NTRK3: variants seen among roughly 807,000 people sequenced by gnomAD.
The protein encoded by NTRK3 is NT-3 growth factor receptor.
A neutral mutation model predicts 91.7 loss-of-function variants in NTRK3; 24 were observed. The observed-to-expected ratio is 0.26, with a 90% CI of 0.19 to 0.37. The LOEUF (loss-of-function observed/expected upper bound fraction) is 0.37. NTRK3 is among the 10% of genes least tolerant of loss of function. NTRK3 has a pLI of 1.00. For synonymous variants in NTRK3, 483 were observed against 404.0 expected (o/e 1.20, Z -2.34); for missense variants, 880 against 1,068.9 (o/e 0.82, Z 2.46).
At chr15:88,069,626 T>C (rs2046940732) in intron 13 of NTRK3, among the ~76,000 whole-genome samples, 1 of 152,160 alleles carries the variant, frequency 6.6e-6, no homozygotes. Flanking sequence ...GATCCAGAGA[T>C]GCCCAGGCCT....
intron 13 of NTRK3, among the ~76,000 whole-genome samples, chr15:88,034,232 ACCAGCAGCTGGG>A (rs1318668505): frequency 6.6e-6 from 1 of 152,216 alleles, no homozygotes; most frequent in Non-Finnish European, 1.5e-5. Context: ...TGATCTCCAT[ACCAGCAGCTGGG>A]CCAGCTGCCC....
intron 17 of NTRK3, among the ~76,000 whole-genome samples, chr15:87,903,711 C>CA (rs2066588341): frequency 6.6e-6 from 1 of 152,182 alleles, no homozygotes; most frequent in Non-Finnish European, 1.5e-5. Flanking sequence ...CCTGTACATT[C>CA]ACAGGCATCT....
At chr15:87,917,095 C>G (rs1333472411) in intron 17 of NTRK3, among the ~76,000 whole-genome samples, 1 of 152,226 alleles carries the variant, frequency 6.6e-6, no homozygotes, top group Non-Finnish European at 1.5e-5. Context: ...TGAGGTTCTT[C>G]TTAGTTTTTC....
rs1201051798 is a variant in NTRK3, at chr15:88,233,353, T to A, written c.248+22553A>T. Among the ~76,000 whole-genome samples the A allele has an allele frequency of 6.6e-6, 1 of 151,430 alleles. No homozygotes were observed. The highest frequency in any genetic ancestry group is 1.5e-5 in the Non-Finnish European group (1 of 67,848). On this transcript the variant is annotated intron_variant, in intron 3 of 18. Transcript: ENST00000394480. The surrounding 1 kb of genome is among the most constrained non-coding windows in gnomAD (Gnocchi z 4.2). Reference sequence around the variant, plus strand: ...TTCCACCTGCAGTGGTGGCTGGGGGTCTTATTATCTGTCCATATCCTTCCC... The same window carrying A: ...TTCCACCTGCAGTGGTGGCTGGGGGACTTATTATCTGTCCATATCCTTCCC...
At chr15:88,244,332 A>G (rs2052635037) in intron 3 of NTRK3, among the ~76,000 whole-genome samples, 1 of 152,220 alleles carries the variant, frequency 6.6e-6, no homozygotes. Context: ...AACTCTCCCA[A>G]TAACATCTTA....
intron 14 of NTRK3, among the ~76,000 whole-genome samples, chr15:87,991,558 T>C (rs1313204025): frequency 6.6e-6 from 1 of 152,188 alleles, no homozygotes; most frequent in Non-Finnish European, 1.5e-5. Context: ...TTCCCATTAT[T>C]GTGCATCATA....
At chr15:88,230,486 T>G (rs918321883) in intron 3 of NTRK3, among the ~76,000 whole-genome samples, 2 of 152,300 alleles carry the variant, frequency 1.3e-5, no homozygotes, top group Admixed American at 6.5e-5. Context: ...AGTCATTGCC[T>G]TCTCTGTAAA....
chr15:87,908,371 A>AGAGGTT (rs2066895363), intron 17 of NTRK3: 1 of 397,254 alleles, frequency 2.5e-6, no homozygotes, highest in Non-Finnish European at 4.4e-6. Flanking sequence ...GCAAGGAAAA[A>AGAGGTT]GAGGTTGGAA....
intron 6 of NTRK3, among the ~76,000 whole-genome samples, chr15:88,140,317 C>T (rs1285345263): frequency 6.6e-6 from 1 of 152,172 alleles, no homozygotes; most frequent in Non-Finnish European, 1.5e-5. Flanking sequence ...TTGAGCATTT[C>T]TCAAAGTACT....
intron 5 of NTRK3, among the ~76,000 whole-genome samples, chr15:88,157,445 C>T (rs1001495939): frequency 2.0e-5 from 3 of 152,134 alleles, no homozygotes; most frequent in Non-Finnish European, 2.9e-5. Context: ...TCTGTGCTGC[C>T]TCGGCAGGGC....
chr15:87,880,600 C>T (rs563323834), intron 17 of NTRK3, among the ~76,000 whole-genome samples, 172 bp from the exon 19 acceptor site: 16 of 152,234 alleles, frequency 1.1e-4, no homozygotes, highest in South Asian at 4.1e-4. Flanking sequence ...TGGAGACCTA[C>T]GATAAAGGAG....
At chr15:88,072,312 C>T (rs2047161383) in intron 13 of NTRK3, 1 of 188,524 alleles carries the variant, frequency 5.3e-6, no homozygotes, top group South Asian at 1.9e-4. Context: ...CCCCAAACAT[C>T]CTTTTCATAC....
intron 14 of NTRK3, among the ~76,000 whole-genome samples, chr15:88,025,221 G>C (rs933385201): frequency 7.2e-5 from 11 of 152,220 alleles, no homozygotes; most frequent in Admixed American, 5.2e-4. Flanking sequence ...TTCTTATGAA[G>C]CTAAACATAT....
At chr15:87,904,005 G>A (rs2066603432) in intron 17 of NTRK3, among the ~76,000 whole-genome samples, 1 of 152,106 alleles carries the variant, frequency 6.6e-6, no homozygotes, top group South Asian at 2.1e-4. Flanking sequence ...CTCTCCTTGT[G>A]TACCCTGGAC....
At chr15:88,059,165 C>T (rs2045984778) in intron 13 of NTRK3, among the ~76,000 whole-genome samples, 1 of 152,104 alleles carries the variant, frequency 6.6e-6, no homozygotes, top group Admixed American at 6.5e-5. Flanking sequence ...AGGAAAGGGG[C>T]TTGTGCCACT....
chr15:88,188,404 T>C (rs1023565338), intron 3 of NTRK3, among the ~76,000 whole-genome samples: 2 of 152,184 alleles, frequency 1.3e-5, no homozygotes, highest in Non-Finnish European at 2.9e-5. Flanking sequence ...AGAGTAACAA[T>C]GGCCTACAGT....
Position 88,242,955 on chromosome 15 carries a change from A to G in NTRK3, c.248+12951T>C, listed in dbSNP as rs867315267. 2.0e-5 allele frequency among the ~76,000 whole-genome samples: 3 copies of G among 152,184 alleles called. No homozygotes were observed. The South Asian group carries it at 6.2e-4, about 31-fold the overall frequency. On this transcript the variant is annotated intron_variant, in intron 3 of 18. Transcript: ENST00000394480. ...AAACAGAATATGAGGCCGCCCCTCC[A>G]ACACCTGCCCTAGGGATGGGAGCCA...
intron 13 of NTRK3, among the ~76,000 whole-genome samples, chr15:88,103,458 T>G (rs923814931): frequency 6.6e-6 from 1 of 152,088 alleles, no homozygotes; most frequent in African/African-American, 2.4e-5. Flanking sequence ...CGGACAGATA[T>G]CTGATTGGTA....
At chr15:87,984,042 C>A (rs1247596733) in intron 14 of NTRK3, among the ~76,000 whole-genome samples, 1 of 152,114 alleles carries the variant, frequency 6.6e-6, no homozygotes, top group Non-Finnish European at 1.5e-5. Context: ...CGGACCCCTT[C>A]ATTTTGATGA....
Sources: allele counts gnomAD v4.1 joint callset (sites outside exome capture counted in the v4.1 genomes callset), GRCh38; gene constraint gnomAD v4.1.1; non-coding constraint Gnocchi (gnomAD v3.1); transcripts MANE v1.5; gene names NCBI Gene and HGNC (gene_info 2026-07-23, HGNC 2026-07-21).